The following MTA3 variants were observed in gnomAD, a reference collection of about 807,000 sequenced individuals.
MTA3 encodes the protein metastasis-associated protein MTA3.
Under a neutral mutation model 83.5 loss-of-function variants are expected in MTA3, and 34 were observed. That is an observed-to-expected ratio of 0.41 (90% confidence interval 0.31 to 0.54). The LOEUF is 0.54. Among genes scored for constraint, MTA3 ranks in the 20% least tolerant of loss-of-function variants. MTA3 has a pLI of 0.33. For missense variants in MTA3, 761 were observed against 726.4 expected (o/e 1.05, Z -0.55); for synonymous variants, 303 against 252.7 (o/e 1.20, Z -1.89).
intron 2 of MTA3, among the ~76,000 whole-genome samples, chr2:42,532,544 G>T (rs950871490): frequency 4.2e-4 from 64 of 152,090 alleles, no homozygotes; most frequent in African/African-American, 1.5e-3. Context: ...ATATCTGGCT[G>T]TTTTCTAACC....
At position 42,756,497 on chromosome 2, in the gene MTA3, G is replaced by A. The variant is rs1006815529; in HGVS notation, c.*3098G>A. Reference sequence around the variant, plus strand: ...GGCTGTGCGTGGCCTCAGTGCACTCGGTGTCATGTCTGAGCCTGGTGTTTA... The same window carrying A: ...GGCTGTGCGTGGCCTCAGTGCACTCAGTGTCATGTCTGAGCCTGGTGTTTA... On this transcript the variant is annotated 3_prime_UTR_variant, in exon 17 of 17. Transcript: ENST00000405094. 42 of 985,470 alleles carry A rather than the reference G, an allele frequency of 4.3e-5. No individual in the cohort carries two copies. Among genetic ancestry groups the A allele is most frequent in the East Asian group, 1.1e-4 (1 of 8,828 alleles). The allele number at this position is 985,470 out of a possible 1,614,324, so 61.0% of individuals were successfully genotyped here.
chr2:42,695,079 T>C (rs1693253810), intron 9 of MTA3, among the ~76,000 whole-genome samples: 1 of 152,152 alleles, frequency 6.6e-6, no homozygotes. Flanking sequence ...GAGACTGCAG[T>C]GAGCTGTGAT....
At chr2:42,696,701 T>A (rs1343035994) in intron 10 of MTA3, among the ~76,000 whole-genome samples, 2 of 152,108 alleles carry the variant, frequency 1.3e-5, no homozygotes, top group African/African-American at 4.8e-5. Flanking sequence ...GCCCAGGAGT[T>A]CATGTCCAGC....
intron 2 of MTA3, among the ~76,000 whole-genome samples, chr2:42,514,584 A>G (rs1197810137): frequency 6.7e-6 from 1 of 149,386 alleles, no homozygotes; most frequent in East Asian, 2.0e-4. Context: ...GGGTTTCACC[A>G]TGTTGGCCAA....
chr2:42,505,770 A>T (rs369348018), intron 2 of MTA3, among the ~76,000 whole-genome samples: 4 of 139,118 alleles, frequency 2.9e-5, no homozygotes, highest in East Asian at 2.1e-4. Flanking sequence ...CAAATTGATA[A>T]TTTTTTTTTT....
intron 14 of MTA3, among the ~76,000 whole-genome samples, chr2:42,712,255 G>A (rs779505815): frequency 6.6e-6 from 1 of 152,150 alleles, no homozygotes; most frequent in Non-Finnish European, 1.5e-5. Flanking sequence ...CTGGGAGGGT[G>A]AGGGAAAGGG....
chr2:42,621,272 C>G lies in MTA3; in HGVS notation c.317+11688C>G, dbSNP rs1311233294. Among the ~76,000 whole-genome samples the G allele has an allele frequency of 2.6e-5, 4 of 152,046 alleles. No homozygotes were observed. In the South Asian group the frequency reaches 8.3e-4, roughly 32 times the overall value. The stretch of plus-strand genomic sequence containing the variant: ...TCTCTGGTTTTCCTAGGCAGAGGAC[C>G]CTGCAGCCTTCTGCAGTGTTTGTGT... On this transcript the variant is annotated intron_variant, in intron 4 of 16. Coordinates refer to ENST00000405094, the MANE Select transcript of MTA3 (RefSeq NM_001330442.2).
chr2:42,630,569 A>G (rs1483047212), intron 4 of MTA3, among the ~76,000 whole-genome samples: 2 of 152,176 alleles, frequency 1.3e-5, no homozygotes, highest in Admixed American at 1.3e-4. Flanking sequence ...TATCTTGGTG[A>G]TAGGTCCATA....
At chr2:42,521,751 C>CTT (rs35664371) in intron 2 of MTA3, among the ~76,000 whole-genome samples, 1,331 of 106,378 alleles carry the variant, frequency 0.013, 45 homozygotes, top group African/African-American at 0.04. Flanking sequence ...ATCTTTCTCT[C>CTT]TTTTTTTTTT....
intron 3 of MTA3, among the ~76,000 whole-genome samples, chr2:42,590,872 G>C (rs926224853): frequency 1.3e-5 from 2 of 151,984 alleles, no homozygotes; most frequent in Non-Finnish European, 2.9e-5. Context: ...CTGCCCGCCT[G>C]TTTGCTTTTT....
chr2:42,536,196 G>A (rs1022328845), intron 2 of MTA3, among the ~76,000 whole-genome samples: 6 of 151,734 alleles, frequency 4.0e-5, no homozygotes, highest in Middle Eastern at 3.2e-3. Flanking sequence ...GGGTTAGGCT[G>A]GGCGCAGTTG....
At chr2:42,658,453 C>A (rs767718924) in intron 7 of MTA3, among the ~76,000 whole-genome samples, 1 of 152,156 alleles carries the variant, frequency 6.6e-6, no homozygotes, top group Non-Finnish European at 1.5e-5. Context: ...GATGAGACGT[C>A]GTACAACGGA....
chr2:42,634,392 G>T (rs530001200), intron 4 of MTA3, among the ~76,000 whole-genome samples: 144 of 152,298 alleles, frequency 9.5e-4, no homozygotes, highest in Admixed American at 2.6e-3. Flanking sequence ...GCATGGCTGG[G>T]GAAGACTCAG....
intron 9 of MTA3, among the ~76,000 whole-genome samples, chr2:42,690,680 A>ATT (rs11358037): frequency 1.7e-5 from 2 of 118,068 alleles, no homozygotes; most frequent in Non-Finnish European, 3.4e-5. Context: ...TTTTAATTTA[A>ATT]TTTTTTTTTT....
chr2:42,504,898 GC>G (rs1160318777), intron 2 of MTA3, among the ~76,000 whole-genome samples: 1 of 152,094 alleles, frequency 6.6e-6, no homozygotes, highest in Admixed American at 6.6e-5. Flanking sequence ...TATAGGAACA[GC>G]CCCTCTTTGT....
intron 2 of MTA3, among the ~76,000 whole-genome samples, chr2:42,536,595 C>T (rs1676248184): frequency 6.6e-6 from 1 of 152,132 alleles, no homozygotes; most frequent in South Asian, 2.1e-4. Context: ...CGTGGTGGCT[C>T]ACGCCTGTAA....
At chr2:42,507,276 A>G (rs1353625764) in intron 2 of MTA3, among the ~76,000 whole-genome samples, 1 of 151,872 alleles carries the variant, frequency 6.6e-6, no homozygotes, top group African/African-American at 2.4e-5. Context: ...AGCTCAAGCA[A>G]TCCTCCCTCC....
intron 2 of MTA3, among the ~76,000 whole-genome samples, chr2:42,528,227 CT>C (rs35269830): frequency 0.37 from 53,991 of 145,958 alleles, 9,859 homozygotes; most frequent in African/African-American, 0.41. Flanking sequence ...GCCCGGCCCC[CT>C]TTTTTTTTTG....
intron 2 of MTA3, among the ~76,000 whole-genome samples, chr2:42,527,555 AGAT>A (rs1243055312): frequency 6.6e-6 from 1 of 152,176 alleles, no homozygotes; most frequent in Non-Finnish European, 1.5e-5. Context: ...GGGTGGAGGG[AGAT>A]GATAACTTTA....
Sources: gnomAD v4.1 joint callset for allele counts (sites outside exome capture counted in the v4.1 genomes callset) on GRCh38, gnomAD v4.1.1 for gene constraint, MANE v1.5 for transcripts, NCBI Gene and HGNC (gene_info 2026-07-23, HGNC 2026-07-21) for gene names.